GRAMD4: variants seen among roughly 807,000 people sequenced by gnomAD.
The protein encoded by GRAMD4 is GRAM domain containing 4.
In GRAMD4, 25 loss-of-function variants were observed where a neutral mutation model predicts 83.9. The ratio of observed to expected loss-of-function variants is 0.30; its 90% confidence interval spans 0.22 to 0.42. The LOEUF (loss-of-function observed/expected upper bound fraction) is 0.42. Ranked by LOEUF, GRAMD4 falls within the 10% of genes least tolerant of loss-of-function variation. The pLI is 1.00. For missense variants in GRAMD4, 593 were observed against 788.7 expected (o/e 0.75, Z 2.97); for synonymous variants, 336 against 320.9 (o/e 1.05, Z -0.50).
chr22:46,677,776 C>T lies in GRAMD4; in HGVS notation c.*525C>T. ...CCGAGAAACGGGCCTGGCGGCCCTC[C>T]TTCCTCTTACATGAGACCCTCCTGT... On this transcript the variant is annotated 3_prime_UTR_variant, in exon 19 of 19. Transcript: ENST00000406902. 1.0e-6 allele frequency: 1 copy of T among 986,144 alleles called. No individual in the cohort carries two copies. Among genetic ancestry groups the T allele is most frequent in the Non-Finnish European group, 1.2e-6 (1 of 830,402 alleles). 61.1% of individuals were successfully genotyped at this position (986,144 alleles called of 1,614,324 possible).
At chr22:46,634,033 G>A (rs1230029550) in intron 2 of GRAMD4, among the ~76,000 whole-genome samples, 1 of 152,248 alleles carries the variant, frequency 6.6e-6, no homozygotes, top group Admixed American at 6.5e-5. Flanking sequence ...CAGACAGTTG[G>A]GGGTGAACAG....
At chr22:46,645,695 C>G (rs1392219182) in intron 3 of GRAMD4, among the ~76,000 whole-genome samples, 1 of 152,198 alleles carries the variant, frequency 6.6e-6, no homozygotes, top group East Asian at 1.9e-4. Flanking sequence ...TTCCTGCAAG[C>G]AAATGACACA....
chr22:46,575,770 C>T (rs2081038382), upstream of GRAMD4, among the ~76,000 whole-genome samples: 1 of 152,204 alleles, frequency 6.6e-6, no homozygotes, highest in Non-Finnish European at 1.5e-5. Context: ...CCTGCGGAGG[C>T]ACAGGACAGA....
Position 46,622,196 on chromosome 22 carries a change from C to T in GRAMD4, c.-50+1631C>T, listed in dbSNP as rs1414313179. Among the ~76,000 whole-genome samples, 1 of 152,156 alleles carries T rather than the reference C, an allele frequency of 6.6e-6. No homozygotes were observed. The highest frequency in any genetic ancestry group is 1.5e-5 in the Non-Finnish European group (1 of 68,022). On this transcript the variant is annotated intron_variant, in intron 1 of 18. Transcript: ENST00000406902. The surrounding 1 kb of genome is among the most constrained non-coding windows in gnomAD (Gnocchi z 4.0). ...GAAGGCAGCCCTGGCCTCGGAATTACAGCCTCCCAGACAAGGGGGCTGTCC... is the reference window on the plus strand; with the variant it reads ...GAAGGCAGCCCTGGCCTCGGAATTATAGCCTCCCAGACAAGGGGGCTGTCC...
chr22:46,647,428 C>G (rs953726283), intron 3 of GRAMD4, among the ~76,000 whole-genome samples: 1 of 152,152 alleles, frequency 6.6e-6, no homozygotes, highest in African/African-American at 2.4e-5. Context: ...GTGAGCTGAC[C>G]CTACCACACC....
chr22:46,635,469 G>C (rs2081858693), intron 2 of GRAMD4, among the ~76,000 whole-genome samples: 1 of 100,544 alleles, frequency 9.9e-6, no homozygotes, highest in Non-Finnish European at 2.0e-5. Context: ...TGTCCTCCCT[G>C]CCCCCACCCC....
chr22:46,681,415 A>C (rs1462556893), downstream of GRAMD4, among the ~76,000 whole-genome samples: 1 of 152,238 alleles, frequency 6.6e-6, no homozygotes, highest in Non-Finnish European at 1.5e-5. Flanking sequence ...GGTGATTGTG[A>C]TAACTATTTC....
chr22:46,592,180 C>T (rs555880637), intron 1 of GRAMD4, among the ~76,000 whole-genome samples: 11 of 152,308 alleles, frequency 7.2e-5, no homozygotes, highest in East Asian at 3.9e-4. Context: ...CATAGGGTTG[C>T]GCCCCCAGAG....
At chr22:46,590,386 T>C (rs2081194986) in intron 1 of GRAMD4, among the ~76,000 whole-genome samples, 1 of 152,144 alleles carries the variant, frequency 6.6e-6, no homozygotes, top group Non-Finnish European at 1.5e-5. Flanking sequence ...AGCCAGTCCT[T>C]GGCAGAGAGC....
rs745491530 is a variant in GRAMD4 at position 46,637,858 on chromosome 22, A to G, written c.181A>G (p.Ile61Val). The change falls in exon 3 of 19, where the codon ATC becomes GTC. Residue 61 changes from isoleucine (I) to valine (V), a missense_variant. This residue lies in a region of GRAMD4 where 312 missense variants were observed against 350.7 expected (regional missense o/e 0.89). Transcript: ENST00000406902. ...LRDPAGPGTLIMATGVQDFNR... is the reference protein window; with the variant it reads ...LRDPAGPGTLVMATGVQDFNR... ...CTTCTAGGCTGGTCCAGGGACCCTC[A>G]TCATGGCCACAGGAGTCCAGGACTT... The G allele has an allele frequency of 2.5e-6, 4 of 1,613,966 alleles. No individual in the cohort carries two copies. The South Asian group carries it at 3.3e-5, about 13-fold the overall frequency.
chr22:46,652,873 C>T (rs1034842376), intron 3 of GRAMD4, among the ~76,000 whole-genome samples: 4 of 152,188 alleles, frequency 2.6e-5, no homozygotes, highest in African/African-American at 9.7e-5. Flanking sequence ...GGATTTGCAT[C>T]TCCTTTGTCC....
rs941507256 is a variant in GRAMD4, at chr22:46,659,639, C to T, written c.404+1332C>T. 2.0e-5 allele frequency among the ~76,000 whole-genome samples: 3 copies of T among 152,148 alleles called. No individual in the cohort carries two copies. Among genetic ancestry groups the T allele is most frequent in the South Asian group, 2.1e-4 (1 of 4,826 alleles). ...TTAGTGTGTGGGAAGACGGGGGATCCGCTGGGCTGACTCCCACTTCTTCCT... is the reference window on the plus strand; with the variant it reads ...TTAGTGTGTGGGAAGACGGGGGATCTGCTGGGCTGACTCCCACTTCTTCCT... On this transcript the variant is annotated intron_variant, in intron 4 of 18. Coordinates refer to ENST00000406902, the MANE Select transcript of GRAMD4 (RefSeq NM_015124.5). This position sits in a 1 kb window ranked among gnomAD's most constrained non-coding sequence, Gnocchi z 4.1.
intron 4 of GRAMD4, among the ~76,000 whole-genome samples, chr22:46,660,700 C>T (rs961731084): frequency 1.3e-5 from 2 of 152,222 alleles, no homozygotes; most frequent in African/African-American, 4.8e-5. Context: ...CTGCCCGCTG[C>T]TTACCTGGCC....
intron 3 of GRAMD4, among the ~76,000 whole-genome samples, chr22:46,648,727 CATGGATGGATGGATGGATGCATGGATGG>C: frequency 1.7e-5 from 1 of 59,728 alleles, no homozygotes; most frequent in South Asian, 5.6e-4. Flanking sequence ...TGGATGGATG[CATGGATGGATGGATGGATGCATGGATGG>C]ATGGATGGAT....
rs747506426 is a variant in GRAMD4 at position 46,675,460 on chromosome 22, C to A, written c.1479-8C>A. 1.2e-6 allele frequency: 2 copies of A among 1,605,358 alleles called. No homozygotes were observed. The highest frequency in any genetic ancestry group is 1.7e-6 in the Non-Finnish European group (2 of 1,172,414). ...GCCAGGCGACGCCTCTGTCCGTTCC[C>A]CTTCCAGTTACTTGTGCTTCGAAAG... On this transcript the variant is annotated splice_region_variant and splice_polypyrimidine_tract_variant and intron_variant, in intron 16 of 18. Transcript: ENST00000406902.
At chr22:46,632,190 G>T (rs1404928454) in intron 2 of GRAMD4, among the ~76,000 whole-genome samples, 1 of 152,212 alleles carries the variant, frequency 6.6e-6, no homozygotes, top group African/African-American at 2.4e-5. Context: ...GGCTTGAGGG[G>T]CCCACGAGGC....
At chr22:46,577,400 C>CCGCCGCCGCCGCCGCCGCCGCCGT (rs1555949308) in intron 1 of GRAMD4, 2 of 450,108 alleles carry the variant, frequency 4.4e-6, no homozygotes, top group African/African-American at 4.3e-5. Flanking sequence ...GCTCTCCCCG[C>CCGCCGCCGCCGCCGCCGCCGCCGT]CGCCGCCGCC....
At position 46,664,081 on chromosome 22, in the gene GRAMD4, C is replaced by T. The variant is rs144976533; in HGVS notation, c.681C>T (p.Asp227=). ...TGAAGAACCTCTCTGCCTTATCCGA[C>T]TGGTACTCCGTCTACACGTCTGCCA... ...NFVKNLSALS[D]WYSVYTSAIA... Residue 227 remains aspartate, a synonymous_variant, in exon 8 of 19, where the codon GAC becomes GAT. Transcript: ENST00000406902. 3.4e-4 allele frequency: 548 copies of T among 1,613,498 alleles called. 3 individuals carry two copies. In the South Asian group the frequency reaches 4.9e-3, roughly 14 times the overall value.
At chr22:46,639,974 T>C (rs569073046) in intron 3 of GRAMD4, among the ~76,000 whole-genome samples, 1 of 152,132 alleles carries the variant, frequency 6.6e-6, no homozygotes. Flanking sequence ...CCTGCAGTGG[T>C]GGCTCTGCTG....
Sources: gnomAD v4.1 joint callset for allele counts (sites outside exome capture counted in the v4.1 genomes callset) on GRCh38, gnomAD v4.1.1 for gene constraint, gnomAD v4.1.1 regional missense constraint, Gnocchi (gnomAD v3.1) non-coding constraint, MANE v1.5 for transcripts, NCBI Gene and HGNC (gene_info 2026-07-23, HGNC 2026-07-21) for gene names.